The following TNFAIP8 variants were observed in gnomAD, a reference collection of about 807,000 sequenced individuals.
TNFAIP8 encodes TNF alpha induced protein 8.
In TNFAIP8, 7 loss-of-function variants were observed where a neutral mutation model predicts 13.3. The ratio of observed to expected loss-of-function variants is 0.52; its 90% CI spans 0.30 to 0.99. TNFAIP8 has a LOEUF of 0.99. Ranked by LOEUF, TNFAIP8 falls within the 50% of genes least tolerant of loss-of-function variation. The probability of loss-of-function intolerance (pLI) is 0.07; values close to 1 mark genes in which losing one functional copy is unlikely to be tolerated. For missense variants in TNFAIP8, 258 were observed against 236.9 expected (o/e 1.09, Z -0.58); for synonymous variants, 94 against 87.6 (o/e 1.07, Z -0.41).
At chr5:119,391,360 C>T (rs1021360972) in intron 1 of TNFAIP8, 1 of 701,836 alleles carries the variant, frequency 1.4e-6, no homozygotes, top group Non-Finnish European at 2.6e-6. Flanking sequence ...CTTTCTGATA[C>T]CCAGGCCTAG....
At chr5:119,350,580 A>G (rs1331947582) in intron 1 of TNFAIP8, among the ~76,000 whole-genome samples, 1 of 152,216 alleles carries the variant, frequency 6.6e-6, no homozygotes, top group Non-Finnish European at 1.5e-5. Flanking sequence ...AACAAGGAAG[A>G]TTTCTTAGAA....
At chr5:119,333,632 G>A in intron 1 of TNFAIP8, 1 of 1,534,740 alleles carries the variant, frequency 6.5e-7, no homozygotes, top group Non-Finnish European at 8.7e-7. Flanking sequence ...CTGAAACTAG[G>A]TGAGTTAAAA....
intron 1 of TNFAIP8, among the ~76,000 whole-genome samples, chr5:119,373,777 C>CA (rs770390608): frequency 8.5e-5 from 13 of 152,214 alleles, no homozygotes; most frequent in Non-Finnish European, 1.6e-4. Flanking sequence ...AGTCATATCA[C>CA]AAAAAAATTA....
intron 1 of TNFAIP8, among the ~76,000 whole-genome samples, chr5:119,318,223 T>C (rs576095613): frequency 5.5e-4 from 84 of 152,240 alleles, no homozygotes; most frequent in African/African-American, 2.0e-3. Context: ...TTTTTCAGTT[T>C]GTCCCTTTAA....
chr5:119,326,729 G>C (rs1189527737), intron 1 of TNFAIP8, among the ~76,000 whole-genome samples: 5 of 152,186 alleles, frequency 3.3e-5, no homozygotes, highest in African/African-American at 1.2e-4. Context: ...GCCTGAAGGA[G>C]GTTGGGGTGA....
intron 1 of TNFAIP8, among the ~76,000 whole-genome samples, chr5:119,358,007 C>A (rs1751498138): frequency 6.6e-6 from 1 of 151,994 alleles, no homozygotes; most frequent in South Asian, 2.1e-4. Flanking sequence ...TGGTTAGCTA[C>A]CACCACTCAG....
intron 1 of TNFAIP8, among the ~76,000 whole-genome samples, chr5:119,366,814 A>G (rs1400651081): frequency 6.6e-6 from 1 of 152,358 alleles, no homozygotes; most frequent in South Asian, 2.1e-4. Flanking sequence ...TTACTTGGCC[A>G]TAGCTCTGAC....
chr5:119,351,119 C>T (rs1192130214), upstream of TNFAIP8, among the ~76,000 whole-genome samples: 3 of 151,768 alleles, frequency 2.0e-5, no homozygotes, highest in Non-Finnish European at 4.4e-5. Flanking sequence ...AACTCCTGGG[C>T]AAGAGTGATC....
chr5:119,293,185 A>T (rs1039694454), intron 1 of TNFAIP8, among the ~76,000 whole-genome samples: 13 of 151,890 alleles, frequency 8.6e-5, no homozygotes, highest in Admixed American at 4.6e-4. Context: ...ATTACGTCAC[A>T]TCCCTTTTTT....
rs34587766 is a variant in TNFAIP8 at position 119,396,994 on chromosome 5, C to CAAAAAAAAA, written c.*3628_*3636dup. The CAAAAAAAAA allele has an allele frequency of 1.5e-5, 1 of 65,882 alleles. No individual in the cohort carries two copies. Among genetic ancestry groups the CAAAAAAAAA allele is most frequent in the African/African-American group, 5.9e-5 (1 of 16,870 alleles). The allele number at this position is 65,882 out of a possible 1,614,324, so 4.1% of individuals were successfully genotyped here. A position where few individuals can be genotyped will look rare whatever the true frequency, so the allele number is the denominator to read the frequency against. On this transcript the variant is annotated 3_prime_UTR_variant, in exon 2 of 2. Transcript: ENST00000504771. ...GGGCAACAAGAACGAAACCCCGTCT[C>CAAAAAAAAA]AAAAAAAAAAAAAAAAAAAAAAAGC... is the stretch of plus-strand genomic sequence containing the variant.
intron 1 of TNFAIP8, among the ~76,000 whole-genome samples, chr5:119,345,509 A>G (rs1018651753): frequency 6.6e-6 from 1 of 152,230 alleles, no homozygotes; most frequent in Non-Finnish European, 1.5e-5. Context: ...ATACAATGGA[A>G]TATCACCCAG....
chr5:119,327,828 A>C (rs1167298807), intron 1 of TNFAIP8, among the ~76,000 whole-genome samples: 1 of 152,188 alleles, frequency 6.6e-6, no homozygotes. Context: ...AAATGAAGTG[A>C]CTGAGGCACA....
chr5:119,377,991 G>T (rs1311818064), intron 1 of TNFAIP8, among the ~76,000 whole-genome samples: 1 of 152,230 alleles, frequency 6.6e-6, no homozygotes, highest in Non-Finnish European at 1.5e-5. Flanking sequence ...AAAGGAGGCA[G>T]CCATAATTTA....
rs1244746146 is a variant in TNFAIP8 at position 119,394,372 on chromosome 5, C to CT, written c.*997dup. 1 of 152,112 alleles carries CT rather than the reference C, an allele frequency of 6.6e-6. No homozygotes were observed. The highest frequency in any genetic ancestry group is 1.5e-5 in the Non-Finnish European group (1 of 68,026). 9.4% of individuals were successfully genotyped at this position (152,112 alleles called of 1,614,324 possible). A position where few individuals can be genotyped will look rare whatever the true frequency, so the allele number is the denominator to read the frequency against. On this transcript the variant is annotated 3_prime_UTR_variant, in exon 2 of 2. Coordinates refer to ENST00000504771, the MANE Select transcript of TNFAIP8 (RefSeq NM_014350.4). ...TAAGAAGGCTTGATAAAGAATGTCA[C>CT]TTTTTTATTTAACTGATAAGATTTT...
chr5:119,284,167 G>T (rs558121446), intron 1 of TNFAIP8, among the ~76,000 whole-genome samples: 1 of 152,246 alleles, frequency 6.6e-6, no homozygotes, highest in African/African-American at 2.4e-5. Flanking sequence ...AACTTAAGTT[G>T]TTACCCAAGG....
rs1581637935 is a variant in TNFAIP8, at chr5:119,356,039, G to A, written c.-52G>A. 6.5e-7 allele frequency: 1 copy of A among 1,542,874 alleles called. No homozygotes were observed. Among genetic ancestry groups the A allele is most frequent in the Non-Finnish European group, 8.8e-7 (1 of 1,141,678 alleles). On this transcript the variant is annotated 5_prime_UTR_variant, in exon 1 of 2. Transcript: ENST00000504771. Reference sequence around the variant, plus strand: ...TCGCTGCAGAGCGAACTTGCGGCTCGTCCGAGTACATGTGAGCGGTAATCG... The same window carrying A: ...TCGCTGCAGAGCGAACTTGCGGCTCATCCGAGTACATGTGAGCGGTAATCG...
chr5:119,366,341 T>G lies in TNFAIP8; in HGVS notation c.31+10220T>G, dbSNP rs141353569. On this transcript the variant is annotated intron_variant, in intron 1 of 1. Transcript: ENST00000504771. ...CTTGGAGCCAATGAAATGTGGCATT[T>G]GGAGGACACAGAAGCTCTCTAGTGC... Among the ~76,000 whole-genome samples the G allele has an allele frequency of 4.4e-4, 67 of 152,114 alleles. 1 individual carries two copies. In the East Asian group the frequency reaches 0.011, roughly 25 times the overall value.
upstream of TNFAIP8, among the ~76,000 whole-genome samples, chr5:119,351,284 C>T (rs1168961202): frequency 6.6e-6 from 1 of 152,142 alleles, no homozygotes; most frequent in African/African-American, 2.4e-5. Flanking sequence ...ACCTCAGCCT[C>T]CCAAAGTGCT....
intron 1 of TNFAIP8, among the ~76,000 whole-genome samples, chr5:119,364,260 G>A (rs1751746650): frequency 6.6e-6 from 1 of 152,172 alleles, no homozygotes; most frequent in Non-Finnish European, 1.5e-5. Flanking sequence ...CTTATTATGA[G>A]TAACAAAAGG....
Sources: gnomAD v4.1 joint callset for allele counts (sites outside exome capture counted in the v4.1 genomes callset) on GRCh38, gnomAD v4.1.1 for gene constraint, MANE v1.5 for transcripts, NCBI Gene and HGNC (gene_info 2026-07-23, HGNC 2026-07-21) for gene names.